The following SSR1 variants were observed in gnomAD, a reference collection of about 807,000 sequenced individuals.
SSR1 encodes the protein translocon-associated protein subunit alpha.
SSR1 carries 13 observed loss-of-function variants against 36.1 expected under a neutral mutation model. The observed-to-expected ratio is 0.36, with a 90% CI of 0.23 to 0.57. SSR1 has a LOEUF of 0.57. Among genes scored for constraint, SSR1 ranks in the 20% least tolerant of loss-of-function variants. SSR1 has a pLI of 0.81. For missense variants in SSR1, 291 were observed against 338.5 expected (o/e 0.86, Z 1.10); for synonymous variants, 113 against 118.9 (o/e 0.95, Z 0.32).
At position 7,285,096 on chromosome 6, in the gene SSR1, G is replaced by A. The variant is rs763542253; in HGVS notation, c.*4768C>T. On this transcript the variant is annotated 3_prime_UTR_variant, in exon 8 of 8. Coordinates refer to ENST00000244763, the MANE Select transcript of SSR1 (RefSeq NM_003144.5). This position sits in a 1 kb window ranked among gnomAD's most constrained non-coding sequence, Gnocchi z 4.1. ...TTGTTCCTTCTTCAAAGAGTAATAG[G>A]GTTCTACCTAATTGTGAACTAGAAG... The A allele has an allele frequency of 2.6e-5, 4 of 152,056 alleles. No individual in the cohort carries two copies. The highest frequency in any genetic ancestry group is 4.8e-5 in the African/African-American group (2 of 41,410). 9.4% of individuals were successfully genotyped at this position (152,056 alleles called of 1,614,324 possible).
intron 1 of SSR1, among the ~76,000 whole-genome samples, chr6:7,312,654 G>T (rs555957956): frequency 6.6e-6 from 1 of 152,334 alleles, no homozygotes; most frequent in Non-Finnish European, 1.5e-5. Context: ...AGCCGGAGGT[G>T]GCCAAAAGAA....
intron 2 of SSR1, among the ~76,000 whole-genome samples, chr6:7,305,695 A>G (rs1758038578): frequency 6.6e-6 from 1 of 152,254 alleles, no homozygotes; most frequent in African/African-American, 2.4e-5. Flanking sequence ...ACAACTCATT[A>G]TTAAGAAGAA....
At chr6:7,306,796 A>T (rs113378344) in intron 2 of SSR1, among the ~76,000 whole-genome samples, 1 of 151,582 alleles carries the variant, frequency 6.6e-6, no homozygotes, top group Middle Eastern at 3.2e-3. Flanking sequence ...GGCGCCTATA[A>T]TCCCAGCTAC....
At chr6:7,301,635 A>C (rs1757936535) in intron 3 of SSR1, 63 bp from the exon 4 acceptor site, 1 of 1,499,590 alleles carries the variant, frequency 6.7e-7, no homozygotes, top group African/African-American at 1.4e-5. Context: ...ATATTTAAAA[A>C]GGCATTACTA....
chr6:7,307,105 C>T (rs1758085397), intron 2 of SSR1, among the ~76,000 whole-genome samples: 1 of 152,186 alleles, frequency 6.6e-6, no homozygotes, highest in African/African-American at 2.4e-5. Context: ...CCATATCTCC[C>T]AATCCCTTGA....
intron 2 of SSR1, among the ~76,000 whole-genome samples, chr6:7,306,832 C>A (rs372339179): frequency 6.9e-6 from 1 of 144,774 alleles, no homozygotes; most frequent in African/African-American, 2.6e-5. Context: ...AGGAGACTGG[C>A]GTGAACCCGG....
chr6:7,297,912 T>C lies in SSR1; in HGVS notation c.699+11A>G. On this transcript the variant is annotated intron_variant, in intron 6 of 7. Coordinates refer to ENST00000244763, the MANE Select transcript of SSR1 (RefSeq NM_003144.5). The stretch of plus-strand genomic sequence containing the variant: ...GAAACACGGCTGTAAGAGGTGTTCA[T>C]CCATAATTACCTTTCTAGATTCTAG... 1.2e-6 allele frequency: 2 copies of C among 1,610,014 alleles called. No individual in the cohort carries two copies. The highest frequency in any genetic ancestry group is 1.7e-6 in the Non-Finnish European group (2 of 1,176,986).
rs1028178039 is a variant in SSR1 at position 7,282,528 on chromosome 6, C to A, written c.*7336G>T. ...GTAGAGAGAAGACCATAGATGCACA[C>A]AGACGGGGTTATCCCTTGAAACCAG... is the stretch of plus-strand genomic sequence containing the variant. On this transcript the variant is annotated 3_prime_UTR_variant, in exon 8 of 8. Transcript: ENST00000244763. 4.6e-5 allele frequency: 7 copies of A among 152,388 alleles called. No homozygotes were observed. Among genetic ancestry groups the A allele is most frequent in the Admixed American group, 3.9e-4 (6 of 15,304 alleles). The allele number at this position is 152,388 out of a possible 1,614,324, so 9.4% of individuals were successfully genotyped here. A position where few individuals can be genotyped will look rare whatever the true frequency, so the allele number is the denominator to read the frequency against.
chr6:7,294,782 T>A (rs566875936), intron 7 of SSR1, among the ~76,000 whole-genome samples: 2 of 152,342 alleles, frequency 1.3e-5, no homozygotes, highest in African/African-American at 4.8e-5. Flanking sequence ...TTTTTTATAA[T>A]GAGGCTGCAT....
intron 2 of SSR1, among the ~76,000 whole-genome samples, chr6:7,306,652 C>G (rs7772757): frequency 1.3e-5 from 2 of 150,822 alleles, no homozygotes; most frequent in Non-Finnish European, 3.0e-5. Context: ...TGCAGTGGCT[C>G]ATGCCTGTAA....
chr6:7,307,661 C>T (rs9392874), intron 2 of SSR1, among the ~76,000 whole-genome samples: 45,889 of 152,126 alleles, frequency 0.3, 7,681 homozygotes, highest in African/African-American at 0.45. Context: ...CCTGCCTCAA[C>T]AGTTAGGATT....
At chr6:7,297,216 C>CAA (rs55729286) in intron 6 of SSR1, 16,753 of 73,268 alleles carry the variant, frequency 0.23, 2,365 homozygotes, top group East Asian at 0.32. Context: ...CAGACTGTCT[C>CAA]AAAAAAAAAA....
At chr6:7,304,970 TGTAA>T (rs1758024241) in intron 2 of SSR1, among the ~76,000 whole-genome samples, 1 of 152,214 alleles carries the variant, frequency 6.6e-6, no homozygotes, top group African/African-American at 2.4e-5. Flanking sequence ...GAAACTGTGT[TGTAA>T]GTTATATTTT....
At chr6:7,293,401 T>C (rs770119326) in intron 7 of SSR1, among the ~76,000 whole-genome samples, 15 of 151,870 alleles carry the variant, frequency 9.9e-5, no homozygotes, top group Non-Finnish European at 1.9e-4. Flanking sequence ...TGCCTCTGCG[T>C]CCTCAGAGCT....
chr6:7,297,838 G>T, intron 6 of SSR1, 85 bp downstream of exon 6: 3 of 976,094 alleles, frequency 3.1e-6, no homozygotes, highest in Admixed American at 4.1e-5. Flanking sequence ...CACAGTGACA[G>T]TATGAGGCCG....
At chr6:7,293,318 C>A (rs1983849) in intron 7 of SSR1, among the ~76,000 whole-genome samples, 55,943 of 151,606 alleles carry the variant, frequency 0.37, 10,338 homozygotes, top group South Asian at 0.43. Context: ...TACGATAACC[C>A]ATGTGTAGTC....
intron 5 of SSR1, chr6:7,298,511 C>G (rs1342701861): frequency 1.1e-5 from 5 of 455,412 alleles, no homozygotes; most frequent in African/African-American, 2.0e-5. Flanking sequence ...AGAGGAAGGA[C>G]AGAAAGCCAA....
chr6:7,298,676 G>T, intron 5 of SSR1, 71 bp downstream of exon 5: 1 of 1,193,242 alleles, frequency 8.4e-7, no homozygotes, highest in South Asian at 1.2e-5. Flanking sequence ...AAACAATGCT[G>T]AAACAGAGCA....
intron 7 of SSR1, 51 bp from the exon 8 acceptor site, chr6:7,289,982 T>G (rs3799511): frequency 0.14 from 199,811 of 1,445,326 alleles, 14,895 homozygotes; most frequent in African/African-American, 0.24. Flanking sequence ...TATATTGAAT[T>G]CAAAAGACAT....
Sources: allele counts gnomAD v4.1 joint callset (sites outside exome capture counted in the v4.1 genomes callset), GRCh38; gene constraint gnomAD v4.1.1; non-coding constraint Gnocchi (gnomAD v3.1); transcripts MANE v1.5; gene names NCBI Gene and HGNC (gene_info 2026-07-23, HGNC 2026-07-21).